The following SIPA1L2 variants were observed in gnomAD, a reference collection of about 807,000 sequenced individuals.
The protein encoded by SIPA1L2 is signal induced proliferation associated 1 like 2.
A neutral mutation model predicts 163.9 loss-of-function variants in SIPA1L2; 56 were observed. That is an observed-to-expected ratio of 0.34 (90% CI 0.28 to 0.43). SIPA1L2 has a LOEUF of 0.43. SIPA1L2 is among the 20% of genes least tolerant of loss of function. SIPA1L2 has a pLI of 1.00. For missense variants in SIPA1L2, 1,974 were observed against 2,193.5 expected (o/e 0.90, Z 2.00); for synonymous variants, 877 against 865.7 (o/e 1.01, Z -0.23).
chr1:232,629,135 G>A (rs2102902467), intron 1 of SIPA1L2, among the ~76,000 whole-genome samples: 1 of 152,302 alleles, frequency 6.6e-6, no homozygotes, highest in South Asian at 2.1e-4. Flanking sequence ...ATCTCCCACA[G>A]GGGTAATGCC....
intron 2 of SIPA1L2, among the ~76,000 whole-genome samples, chr1:232,568,632 A>G (rs1659538496): frequency 6.6e-6 from 1 of 152,212 alleles, no homozygotes; most frequent in Non-Finnish European, 1.5e-5. Context: ...GGAGTGGACC[A>G]TGGGCTGGAT....
In SIPA1L2 at chr1:232,529,677, T is replaced by C. The variant is rs144173821; in HGVS notation, c.-269-14069A>G. ...TCTAGCTGCTAAGATTAAAAGCCCA[T>C]ACATTTGCAAAACTGGAAAGCAGCA... On this transcript the variant is annotated intron_variant, in intron 2 of 22. Coordinates refer to ENST00000674635, the MANE Select transcript of SIPA1L2 (RefSeq NM_020808.5). Among the ~76,000 whole-genome samples the C allele has an allele frequency of 2.7e-3, 414 of 152,332 alleles. 2 individuals are homozygous for C. Among genetic ancestry groups the C allele is most frequent in the Non-Finnish European group, 4.7e-3 (319 of 68,028 alleles).
intron 1 of SIPA1L2, among the ~76,000 whole-genome samples, chr1:232,613,241 C>G (rs951017838): frequency 6.6e-6 from 1 of 152,204 alleles, no homozygotes; most frequent in Non-Finnish European, 1.5e-5. Flanking sequence ...TCAGCTTATT[C>G]GTCACCTCTT....
intron 1 of SIPA1L2, among the ~76,000 whole-genome samples, chr1:232,594,279 T>C (rs1661124874): frequency 6.6e-6 from 1 of 152,004 alleles, no homozygotes; most frequent in Non-Finnish European, 1.5e-5. Flanking sequence ...AAGGAGACAG[T>C]GGTAGAGCTG....
chr1:232,503,497 G>T (rs1472693807), intron 3 of SIPA1L2, among the ~76,000 whole-genome samples: 6 of 152,196 alleles, frequency 3.9e-5, no homozygotes, highest in South Asian at 2.1e-4. Context: ...GGCCAGGTAC[G>T]TAAAAGACAT....
At chr1:232,412,541 C>A (rs1661020240) in intron 19 of SIPA1L2, among the ~76,000 whole-genome samples, 1 of 152,104 alleles carries the variant, frequency 6.6e-6, no homozygotes. Flanking sequence ...AAGTTATGAG[C>A]AGGGCAACTG....
At chr1:232,516,953 G>T (rs1667244010) in intron 2 of SIPA1L2, among the ~76,000 whole-genome samples, 1 of 152,112 alleles carries the variant, frequency 6.6e-6, no homozygotes. Context: ...GAAAATGTCT[G>T]TGTCTAAATA....
chr1:232,400,457 C>T (rs1660269520), intron 22 of SIPA1L2, among the ~76,000 whole-genome samples: 1 of 152,154 alleles, frequency 6.6e-6, no homozygotes, highest in Non-Finnish European at 1.5e-5. Context: ...ATCCTGGCTC[C>T]CTCCCGAGGA....
chr1:232,437,398 T>A (rs1426666810), intron 15 of SIPA1L2, among the ~76,000 whole-genome samples: 5 of 152,202 alleles, frequency 3.3e-5, no homozygotes, highest in African/African-American at 1.2e-4. Context: ...CCTTAATTAT[T>A]ATATTAGTTA....
intron 8 of SIPA1L2, among the ~76,000 whole-genome samples, chr1:232,470,485 G>A (rs1664747146): frequency 6.6e-6 from 1 of 152,186 alleles, no homozygotes; most frequent in African/African-American, 2.4e-5. Flanking sequence ...AATTTCTCTT[G>A]TGCCTTTAGG....
At chr1:232,468,543 T>A (rs1441996027) in intron 8 of SIPA1L2, among the ~76,000 whole-genome samples, 1 of 152,156 alleles carries the variant, frequency 6.6e-6, no homozygotes, top group East Asian at 1.9e-4. Flanking sequence ...CAAAAGCCCA[T>A]TGTAAGGATG....
chr1:232,515,354 A>T lies in SIPA1L2; in HGVS notation c.-15T>A. 1 of 1,561,608 alleles carries T rather than the reference A, an allele frequency of 6.4e-7. No homozygotes were observed. Among genetic ancestry groups the T allele is most frequent in the East Asian group, 2.3e-5 (1 of 44,376 alleles). The stretch of plus-strand genomic sequence containing the variant: ...GGGTCACTCATGTCTACCGAGGAAG[A>T]GCCTCCAAGTCTCACCAGGAAGACT... On this transcript the variant is annotated 5_prime_UTR_variant, in exon 3 of 23. Transcript: ENST00000674635.
At chr1:232,481,621 G>C (rs985091988) in intron 6 of SIPA1L2, among the ~76,000 whole-genome samples, 5 of 152,152 alleles carry the variant, frequency 3.3e-5, no homozygotes, top group African/African-American at 1.2e-4. Context: ...TTGTTGTTCT[G>C]GGGTTTGCTA....
chr1:232,457,543 C>G (rs369725720), intron 10 of SIPA1L2, among the ~76,000 whole-genome samples: 1 of 152,112 alleles, frequency 6.6e-6, no homozygotes, highest in Non-Finnish European at 1.5e-5. Context: ...CTCACAAGCA[C>G]GAAGAGTCCA....
chr1:232,589,990 C>T (rs191463348), intron 1 of SIPA1L2, among the ~76,000 whole-genome samples: 7 of 152,274 alleles, frequency 4.6e-5, no homozygotes, highest in Admixed American at 1.3e-4. Flanking sequence ...CCAAGGAGGA[C>T]GAATCACAGA....
chr1:232,601,825 A>T (rs1332482825), intron 1 of SIPA1L2, among the ~76,000 whole-genome samples: 1 of 152,226 alleles, frequency 6.6e-6, no homozygotes, highest in African/African-American at 2.4e-5. Context: ...CTATTGTAAA[A>T]GGTATATCAA....
intron 3 of SIPA1L2, among the ~76,000 whole-genome samples, chr1:232,502,578 A>G (rs1666536235): frequency 6.6e-6 from 1 of 151,994 alleles, no homozygotes; most frequent in Non-Finnish European, 1.5e-5. Flanking sequence ...TAAAAAAAAA[A>G]TTCCCTTCAT....
At chr1:232,520,383 A>T (rs755223917) in intron 2 of SIPA1L2, among the ~76,000 whole-genome samples, 2 of 152,256 alleles carry the variant, frequency 1.3e-5, no homozygotes, top group African/African-American at 2.4e-5. Context: ...ATTTTAGAGC[A>T]TGAAGGAGCT....
In SIPA1L2 at chr1:232,563,956, CGTGTGTGTGTGTGT is replaced by C. The variant is rs34854572; in HGVS notation, c.-270+10204_-270+10217del. Among the ~76,000 whole-genome samples the C allele has an allele frequency of 1.4e-3, 98 of 72,212 alleles. 1 individual carries two copies. The highest frequency in any genetic ancestry group is 2.3e-3 in the African/African-American group (30 of 12,920). The allele number at this position is 72,212 out of a possible 152,430, so 47.4% of individuals were successfully genotyped here. ...ACGACAAAGGTTTGTTTTTTTTTTT[CGTGTGTGTGTGTGT>C]GTGTGTGTGTGTGTGTGTGTGTGTG... On this transcript the variant is annotated intron_variant, in intron 2 of 22. Transcript: ENST00000674635.
Sources: allele counts gnomAD v4.1 joint callset (sites outside exome capture counted in the v4.1 genomes callset), GRCh38; gene constraint gnomAD v4.1.1; transcripts MANE v1.5; gene names NCBI Gene and HGNC (gene_info 2026-07-23, HGNC 2026-07-21).